The following PDGFD variants were observed in gnomAD, a reference collection of about 807,000 sequenced individuals.
PDGFD encodes the protein platelet-derived growth factor D.
Under a neutral mutation model 44.7 loss-of-function variants are expected in PDGFD, and 30 were observed. The observed-to-expected ratio is 0.67, with a 90% confidence interval of 0.50 to 0.91. The LOEUF (loss-of-function observed/expected upper bound fraction) is 0.91, where lower values mean the gene tolerates loss of function less well. PDGFD is among the 40% of genes least tolerant of loss of function. The pLI, the probability that PDGFD is intolerant of heterozygous loss-of-function variation, is 0.00. For synonymous variants in PDGFD, 173 were observed against 168.4 expected (o/e 1.03, Z -0.21); for missense variants, 445 against 457.8 (o/e 0.97, Z 0.25).
intron 1 of PDGFD, among the ~76,000 whole-genome samples, chr11:104,102,373 A>G (rs1259268302): frequency 6.6e-6 from 1 of 152,198 alleles, no homozygotes; most frequent in African/African-American, 2.4e-5. Flanking sequence ...CAAAACCACA[A>G]TGAGATACCA....
At chr11:103,924,401 A>G (rs1433562439) in intron 6 of PDGFD, among the ~76,000 whole-genome samples, 1 of 152,240 alleles carries the variant, frequency 6.6e-6, no homozygotes, top group East Asian at 1.9e-4. Flanking sequence ...CATCCAATCT[A>G]GAGTTCATCA....
chr11:104,131,985 A>G (rs1421059126), intron 1 of PDGFD, among the ~76,000 whole-genome samples: 1 of 151,912 alleles, frequency 6.6e-6, no homozygotes, highest in Non-Finnish European at 1.5e-5. Flanking sequence ...AACAAAACAA[A>G]ACAAAACAAA....
At chr11:104,113,862 A>G (rs1461513667) in intron 1 of PDGFD, among the ~76,000 whole-genome samples, 2 of 152,018 alleles carry the variant, frequency 1.3e-5, no homozygotes, top group African/African-American at 4.8e-5. Flanking sequence ...AATTTCCTTG[A>G]TGACATGATT....
chr11:104,059,885 G>A (rs1378827202), intron 1 of PDGFD, among the ~76,000 whole-genome samples: 2 of 152,286 alleles, frequency 1.3e-5, no homozygotes, highest in East Asian at 3.9e-4. Context: ...CTAACACCTA[G>A]AAGGCTTAAA....
intron 1 of PDGFD, among the ~76,000 whole-genome samples, chr11:104,121,097 CAT>C (rs1418772948): frequency 6.6e-6 from 1 of 152,016 alleles, no homozygotes; most frequent in African/African-American, 2.4e-5. Flanking sequence ...AGTGACAGCA[CAT>C]GTCACCACTG....
At chr11:104,135,198 C>A (rs1861986316) in intron 1 of PDGFD, among the ~76,000 whole-genome samples, 1 of 152,164 alleles carries the variant, frequency 6.6e-6, no homozygotes, top group Admixed American at 6.5e-5. Context: ...AAAATAAGTT[C>A]TAAATAGATA....
intron 1 of PDGFD, among the ~76,000 whole-genome samples, chr11:104,045,959 A>G (rs1399620221): frequency 6.8e-6 from 1 of 146,856 alleles, no homozygotes; most frequent in African/African-American, 2.5e-5. Context: ...TAGGAACTGT[A>G]AAGAGTCCAG....
intron 1 of PDGFD, among the ~76,000 whole-genome samples, chr11:104,130,606 C>T (rs948585944): frequency 6.6e-6 from 1 of 152,158 alleles, no homozygotes; most frequent in Non-Finnish European, 1.5e-5. Flanking sequence ...ACTATACTAG[C>T]CTTCTTTCTG....
At chr11:103,985,951 C>A (rs1484903096) in intron 3 of PDGFD, among the ~76,000 whole-genome samples, 1 of 152,122 alleles carries the variant, frequency 6.6e-6, no homozygotes, top group Non-Finnish European at 1.5e-5. Flanking sequence ...TCATGTATCT[C>A]TCTTTCACAG....
intron 3 of PDGFD, among the ~76,000 whole-genome samples, chr11:103,950,440 T>G (rs1858736219): frequency 6.6e-6 from 1 of 150,566 alleles, no homozygotes; most frequent in Admixed American, 6.6e-5. Context: ...GGCATGTACC[T>G]GTAATCCCAG....
At chr11:104,130,833 A>C (rs2119841879) in intron 1 of PDGFD, among the ~76,000 whole-genome samples, 1 of 152,266 alleles carries the variant, frequency 6.6e-6, no homozygotes, top group East Asian at 1.9e-4. Context: ...CAGACCTTCT[A>C]ACCTTCTGAT....
At chr11:103,992,644 G>A (rs1859475396) in intron 3 of PDGFD, among the ~76,000 whole-genome samples, 1 of 152,172 alleles carries the variant, frequency 6.6e-6, no homozygotes, top group Admixed American at 6.5e-5. Context: ...ACTGTGACAG[G>A]TGCTAAAAGA....
chr11:104,009,453 T>TATTATTATTATTATTATC (rs112210777), intron 1 of PDGFD, among the ~76,000 whole-genome samples: 1 of 151,382 alleles, frequency 6.6e-6, no homozygotes, highest in African/African-American at 2.4e-5. Context: ...TTATTATTAT[T>TATTATTATTATTATTATC]ATCATTACTA....
chr11:104,125,233 G>C (rs1304887426), intron 1 of PDGFD, among the ~76,000 whole-genome samples: 1 of 152,084 alleles, frequency 6.6e-6, no homozygotes, highest in Non-Finnish European at 1.5e-5. Context: ...ACATGCTCTG[G>C]AGTCTGAATT....
intron 1 of PDGFD, among the ~76,000 whole-genome samples, chr11:104,153,267 A>C (rs898753244): frequency 3.3e-5 from 5 of 152,156 alleles, no homozygotes; most frequent in African/African-American, 4.8e-5. Flanking sequence ...ATGTGGCCTA[A>C]AGATCTGTCA....
At chr11:103,933,417 A>G (rs1438131296) in intron 5 of PDGFD, among the ~76,000 whole-genome samples, 2 of 152,200 alleles carry the variant, frequency 1.3e-5, no homozygotes, top group African/African-American at 4.8e-5. Context: ...TCTGGAAAGG[A>G]CAATTATTTT....
intron 3 of PDGFD, among the ~76,000 whole-genome samples, chr11:103,990,510 C>G (rs1859432869): frequency 1.3e-5 from 2 of 152,202 alleles, no homozygotes; most frequent in African/African-American, 4.8e-5. Flanking sequence ...TGCTTATGAT[C>G]TATTTCCTCC....
rs1399142683 is a variant in PDGFD, at chr11:104,140,080, T to A, written c.124+23724A>T. On this transcript the variant is annotated intron_variant, in intron 1 of 6. Coordinates refer to ENST00000393158, the MANE Select transcript of PDGFD (RefSeq NM_025208.5). ...AGACTCCGTCTCAAAAAAAAAAAAATAAATAAATAAATAAATAACTTGTCT... is the reference window on the plus strand; with the variant it reads ...AGACTCCGTCTCAAAAAAAAAAAAAAAAATAAATAAATAAATAACTTGTCT... 4.5e-4 allele frequency among the ~76,000 whole-genome samples: 9 copies of A among 19,820 alleles called. 3 individuals are homozygous for A. The highest frequency in any genetic ancestry group is 3.7e-3 in the African/African-American group (7 of 1,872). The allele number at this position is 19,820 out of a possible 152,430, so 13.0% of individuals were successfully genotyped here.
At chr11:103,969,832 C>T (rs971473077) in intron 3 of PDGFD, among the ~76,000 whole-genome samples, 13 of 151,940 alleles carry the variant, frequency 8.6e-5, no homozygotes, top group Non-Finnish European at 1.5e-4. Context: ...TTTATAATAA[C>T]ATTAATTCTG....
Sources: allele counts gnomAD v4.1 joint callset (sites outside exome capture counted in the v4.1 genomes callset), GRCh38; gene constraint gnomAD v4.1.1; transcripts MANE v1.5; gene names NCBI Gene and HGNC (gene_info 2026-07-23, HGNC 2026-07-21).